Variants in XKR4 observed in about 807,000 individuals in gnomAD.
The protein encoded by XKR4 is XK related 4, also known as XK-related protein 4.
Under a neutral mutation model 53.9 loss-of-function variants are expected in XKR4, and 12 were observed. The observed-to-expected ratio is 0.22, with a 90% confidence interval of 0.14 to 0.36. The LOEUF is 0.36. Among genes scored for constraint, XKR4 ranks in the 10% least tolerant of loss-of-function variants. XKR4 has a pLI of 1.00. For synonymous variants in XKR4, 354 were observed against 362.4 expected (o/e 0.98, Z 0.26); for missense variants, 799 against 859.5 (o/e 0.93, Z 0.88).
At position 55,489,316 on chromosome 8, in the gene XKR4, A is replaced by G. The variant is rs577188462; in HGVS notation, c.1007-33965A>G. On this transcript the variant is annotated intron_variant, in intron 2 of 2. Coordinates refer to ENST00000327381, the MANE Select transcript of XKR4 (RefSeq NM_052898.2). ...TTATAAACCTAATACCGCTCTAAAA[A>G]ATAGTCTATTAATTTTTTAAAGATG... 5.3e-5 allele frequency among the ~76,000 whole-genome samples: 8 copies of G among 152,284 alleles called. No homozygotes were observed. In the South Asian group the frequency reaches 1.7e-3, roughly 32 times the overall value.
chr8:55,132,309 T>C (rs921011115), intron 1 of XKR4, among the ~76,000 whole-genome samples: 8 of 152,188 alleles, frequency 5.3e-5, no homozygotes, highest in Admixed American at 3.9e-4. Context: ...TTCCAATCCA[T>C]GTGTATAGTT....
chr8:55,434,562 G>C (rs1805148236), intron 2 of XKR4, among the ~76,000 whole-genome samples: 1 of 152,040 alleles, frequency 6.6e-6, no homozygotes, highest in South Asian at 2.1e-4. Context: ...GGAGACAAAA[G>C]CTACACCTCA....
chr8:55,454,615 C>A, intron 2 of XKR4: 1 of 1,285,472 alleles, frequency 7.8e-7, no homozygotes, highest in Non-Finnish European at 1.1e-6. Context: ...ATAAATCGTC[C>A]TCTACTAGCC....
At chr8:55,341,687 C>T (rs1447780883) in intron 1 of XKR4, among the ~76,000 whole-genome samples, 2 of 152,238 alleles carry the variant, frequency 1.3e-5, no homozygotes, top group Non-Finnish European at 2.9e-5. Context: ...CAAACCGATG[C>T]CATTTAATTT....
chr8:55,501,131 A>G (rs1049139068), intron 2 of XKR4, among the ~76,000 whole-genome samples: 3 of 152,194 alleles, frequency 2.0e-5, no homozygotes, highest in African/African-American at 7.2e-5. Context: ...TAAAGCAACA[A>G]ATTCAATTTT....
intron 1 of XKR4, among the ~76,000 whole-genome samples, chr8:55,224,136 G>A (rs1477628155): frequency 6.6e-6 from 1 of 151,018 alleles, no homozygotes; most frequent in Non-Finnish European, 1.5e-5. Flanking sequence ...TTTCATTTTT[G>A]CCTCCTTCCT....
At chr8:55,345,697 A>G (rs956136396) in intron 1 of XKR4, among the ~76,000 whole-genome samples, 18 of 152,232 alleles carry the variant, frequency 1.2e-4, no homozygotes, top group African/African-American at 3.9e-4. Context: ...TAACATCAGC[A>G]TGAGCGGGAC....
At position 55,425,906 on chromosome 8, in the gene XKR4, T is replaced by C. The variant is rs923903108; in HGVS notation, c.1006+68029T>C. Among the ~76,000 whole-genome samples the C allele has an allele frequency of 2.6e-5, 4 of 152,224 alleles. No homozygotes were observed. The East Asian group carries it at 5.8e-4, about 22-fold the overall frequency. The stretch of plus-strand genomic sequence containing the variant: ...AAATGTAATTGAGTGACCCAGCTAC[T>C]TAAATGCCATCAGCGGCTTTCCTTT... On this transcript the variant is annotated intron_variant, in intron 2 of 2. Coordinates refer to ENST00000327381, the MANE Select transcript of XKR4 (RefSeq NM_052898.2).
intron 2 of XKR4, among the ~76,000 whole-genome samples, chr8:55,393,179 A>G (rs1306532791): frequency 6.6e-6 from 1 of 152,128 alleles, no homozygotes; most frequent in Non-Finnish European, 1.5e-5. Context: ...TTCGAATCAT[A>G]AAAAGTGAGA....
intron 1 of XKR4, among the ~76,000 whole-genome samples, chr8:55,268,597 T>C (rs1259486844): frequency 6.6e-6 from 1 of 152,184 alleles, no homozygotes; most frequent in African/African-American, 2.4e-5. Context: ...AAAAGAATTT[T>C]AGTATATGTT....
At chr8:55,476,325 G>A (rs1000281382) in intron 2 of XKR4, among the ~76,000 whole-genome samples, 1 of 152,198 alleles carries the variant, frequency 6.6e-6, no homozygotes. Flanking sequence ...CCTGGGAAGG[G>A]ATAGGAATTC....
At chr8:55,397,129 T>G (rs989978241) in intron 2 of XKR4, among the ~76,000 whole-genome samples, 4 of 152,244 alleles carry the variant, frequency 2.6e-5, no homozygotes, top group Non-Finnish European at 5.9e-5. Context: ...AAGGCAATAT[T>G]CCAGGTAACT....
intron 1 of XKR4, among the ~76,000 whole-genome samples, chr8:55,236,824 G>A (rs1040616366): frequency 7.9e-5 from 12 of 152,300 alleles, no homozygotes; most frequent in African/African-American, 2.6e-4. Context: ...TGGAGAGGGA[G>A]CCAAGGAAAA....
chr8:55,437,131 AT>A (rs1392056057), intron 2 of XKR4, among the ~76,000 whole-genome samples: 1 of 152,232 alleles, frequency 6.6e-6, no homozygotes, highest in Non-Finnish European at 1.5e-5. Context: ...TAATAATCTC[AT>A]ATCCAAACTG....
At chr8:55,109,811 C>T (rs981652165) in intron 1 of XKR4, among the ~76,000 whole-genome samples, 1 of 152,144 alleles carries the variant, frequency 6.6e-6, no homozygotes, top group African/African-American at 2.4e-5. Flanking sequence ...TCCACAAATC[C>T]TTGGAGCAAT....
intron 1 of XKR4, among the ~76,000 whole-genome samples, chr8:55,309,497 A>G (rs1013624797): frequency 4.6e-5 from 7 of 152,198 alleles, no homozygotes; most frequent in Non-Finnish European, 1.0e-4. Flanking sequence ...CAGTATCTTG[A>G]CTATAGTGGT....
chr8:55,301,607 C>G (rs889019430), intron 1 of XKR4, among the ~76,000 whole-genome samples: 7 of 152,154 alleles, frequency 4.6e-5, no homozygotes, highest in African/African-American at 1.4e-4. Context: ...TTTACAGTCC[C>G]AGCAGCAGTG....
chr8:55,303,977 T>C (rs934136768), intron 1 of XKR4, among the ~76,000 whole-genome samples: 1 of 152,122 alleles, frequency 6.6e-6, no homozygotes, highest in African/African-American at 2.4e-5. Context: ...TTTTGAAGGG[T>C]TTTTTGTGTC....
chr8:55,200,634 T>C (rs1261968608), intron 1 of XKR4, among the ~76,000 whole-genome samples: 2 of 152,232 alleles, frequency 1.3e-5, no homozygotes, highest in Non-Finnish European at 2.9e-5. Context: ...GGTTATTCTC[T>C]AATTCAGATT....
Sources: allele counts gnomAD v4.1 joint callset (sites outside exome capture counted in the v4.1 genomes callset), GRCh38; gene constraint gnomAD v4.1.1; transcripts MANE v1.5; gene names NCBI Gene and HGNC (gene_info 2026-07-23, HGNC 2026-07-21).